The following RNF216 variants were observed in gnomAD, a reference collection of about 807,000 sequenced individuals.
RNF216 encodes ring finger protein 216.
Under a neutral mutation model 110.8 loss-of-function variants are expected in RNF216, and 72 were observed. The ratio of observed to expected loss-of-function variants is 0.65; its 90% CI spans 0.54 to 0.79. The LOEUF (loss-of-function observed/expected upper bound fraction) is 0.79, where lower values mean the gene tolerates loss of function less well. Ranked by LOEUF, RNF216 falls within the 30% of genes least tolerant of loss-of-function variation. The probability of loss-of-function intolerance (pLI) is 0.00; values close to 1 mark genes in which losing one functional copy is unlikely to be tolerated. For missense variants in RNF216, 1,342 were observed against 1,141.2 expected (o/e 1.18, Z -2.54); for synonymous variants, 495 against 407.5 (o/e 1.21, Z -2.59).
chr7:5,632,232 C>T (rs1346600708), intron 15 of RNF216, among the ~76,000 whole-genome samples: 2 of 152,222 alleles, frequency 1.3e-5, no homozygotes, highest in Non-Finnish European at 2.9e-5. Context: ...CATCTTTACT[C>T]GCTGCCACAG....
intron 2 of RNF216, among the ~76,000 whole-genome samples, chr7:5,759,976 A>G (rs367554205): frequency 9.9e-5 from 15 of 152,138 alleles, no homozygotes; most frequent in African/African-American, 3.6e-4. Context: ...ACTCTCTACT[A>G]GAAAAATCAT....
At chr7:5,634,612 G>C (rs1223709505) in intron 15 of RNF216, among the ~76,000 whole-genome samples, 3 of 152,168 alleles carry the variant, frequency 2.0e-5, no homozygotes, top group Non-Finnish European at 2.9e-5. Flanking sequence ...GCTCAGGGCT[G>C]GCCCTGGCTT....
At chr7:5,743,944 A>T (rs1182500695) in intron 3 of RNF216, among the ~76,000 whole-genome samples, 3 of 152,218 alleles carry the variant, frequency 2.0e-5, no homozygotes, top group East Asian at 3.8e-4. Flanking sequence ...TAGAGAAACA[A>T]CATCATACAG....
intron 13 of RNF216, among the ~76,000 whole-genome samples, chr7:5,656,912 G>A (rs1374016296): frequency 6.6e-6 from 1 of 152,170 alleles, no homozygotes; most frequent in Non-Finnish European, 1.5e-5. Flanking sequence ...TCCAAGCCCA[G>A]CAAGTGTGAT....
At chr7:5,709,713 G>A (rs1293805442) in intron 13 of RNF216, among the ~76,000 whole-genome samples, 1 of 151,920 alleles carries the variant, frequency 6.6e-6, no homozygotes, top group Non-Finnish European at 1.5e-5. Context: ...ATACTCACTA[G>A]ATGCTGTTCC....
chr7:5,772,360 A>C (rs969084887), intron 1 of RNF216, among the ~76,000 whole-genome samples: 10 of 152,144 alleles, frequency 6.6e-5, no homozygotes, highest in Non-Finnish European at 1.5e-4. Flanking sequence ...CATGGACAAC[A>C]GTTACAAAAA....
intron 1 of RNF216, among the ~76,000 whole-genome samples, chr7:5,765,460 T>A (rs1796154234): frequency 6.6e-6 from 1 of 151,428 alleles, no homozygotes; most frequent in Non-Finnish European, 1.5e-5. Context: ...TGAGACTCCA[T>A]CTCAAAAAAT....
At chr7:5,637,801 G>A (rs1000625182) in intron 15 of RNF216, among the ~76,000 whole-genome samples, 2 of 152,154 alleles carry the variant, frequency 1.3e-5, no homozygotes, top group African/African-American at 4.8e-5. Flanking sequence ...TTGGGCTCTC[G>A]AAGTGCTGGG....
chr7:5,651,921 ACAGGCGTGAGC>A (rs1788416275), intron 14 of RNF216, among the ~76,000 whole-genome samples: 1 of 152,242 alleles, frequency 6.6e-6, no homozygotes, highest in African/African-American at 2.4e-5. Flanking sequence ...TGCTGGGATT[ACAGGCGTGAGC>A]CACTGCGCCT....
chr7:5,686,714 C>T (rs73339951), intron 13 of RNF216, among the ~76,000 whole-genome samples: 1 of 152,340 alleles, frequency 6.6e-6, no homozygotes, highest in Middle Eastern at 3.4e-3. Context: ...ATATTACCTA[C>T]AGAAGATCTT....
intron 13 of RNF216, among the ~76,000 whole-genome samples, chr7:5,687,691 A>C (rs907847307): frequency 8.5e-5 from 13 of 152,224 alleles, no homozygotes; most frequent in African/African-American, 3.1e-4. Context: ...AATGACCAGG[A>C]AATCAAGAAT....
chr7:5,660,943 G>GTTTTGTTTTTTT (rs1554352520), intron 13 of RNF216, among the ~76,000 whole-genome samples: 16 of 90,156 alleles, frequency 1.8e-4, no homozygotes, highest in African/African-American at 8.2e-4. Context: ...GAAGCCTTAG[G>GTTTTGTTTTTTT]TTTTTTTTTT....
chr7:5,654,978 G>C (rs1479752300), intron 13 of RNF216, among the ~76,000 whole-genome samples: 1 of 152,208 alleles, frequency 6.6e-6, no homozygotes, highest in Non-Finnish European at 1.5e-5. Flanking sequence ...TAGATGAGCT[G>C]ATGTTTGGCT....
chr7:5,641,808 G>A (rs62453428), intron 14 of RNF216, among the ~76,000 whole-genome samples: 8,870 of 152,096 alleles, frequency 0.058, 337 homozygotes, highest in Non-Finnish European at 0.087. Flanking sequence ...GCCAAAGCAG[G>A]AAGATCATTT....
chr7:5,752,984 A>G lies in RNF216; in HGVS notation c.68-5T>C. The stretch of plus-strand genomic sequence containing the variant: ...CATCTCGGAGATTGATCCACTCTAC[A>G]GGAAAGCAGAGAACACTGTTACTGG... On this transcript the variant is annotated splice_region_variant and splice_polypyrimidine_tract_variant and intron_variant, in intron 2 of 16. Coordinates refer to ENST00000389902, the MANE Select transcript of RNF216 (RefSeq NM_207111.4). The G allele has an allele frequency of 2.5e-6, 4 of 1,606,408 alleles. No individual in the cohort carries two copies. Among genetic ancestry groups the G allele is most frequent in the South Asian group, 1.1e-5 (1 of 88,804 alleles).
chr7:5,666,240 G>A (rs1230730726), intron 13 of RNF216, among the ~76,000 whole-genome samples: 2 of 152,056 alleles, frequency 1.3e-5, no homozygotes, highest in Non-Finnish European at 2.9e-5. Context: ...CTCTGCAGTG[G>A]GGACACACAT....
At chr7:5,710,366 T>TAA (rs537822157) in intron 13 of RNF216, among the ~76,000 whole-genome samples, 200 of 130,150 alleles carry the variant, frequency 1.5e-3, no homozygotes, top group East Asian at 3.6e-3. Flanking sequence ...CCTCAAAACT[T>TAA]AAAAACAAAA....
In RNF216 at chr7:5,622,928, G is replaced by C. The variant is rs752238171; in HGVS notation, c.2704C>G (p.Pro902Ala). Reference sequence around the variant, plus strand: ...TTGTGCTCCAGGGGCATGTGGATGGGACCGAAGTCATAGTTGACCCGCACG... The same window carrying C: ...TTGTGCTCCAGGGGCATGTGGATGGCACCGAAGTCATAGTTGACCCGCACG... ...PNVRVNYDFG[P>A]IHMPLEHNLP... The change falls in exon 17 of 17, where the codon CCC becomes GCC. Residue 902 changes from proline (P) to alanine (A), a missense_variant. By Grantham distance (27) the Pro-to-Ala change is conservative (BLOSUM62 -1). Coordinates refer to ENST00000389902, the MANE Select transcript of RNF216 (RefSeq NM_207111.4). The C allele has an allele frequency of 1.2e-5, 20 of 1,613,736 alleles. No individual in the cohort carries two copies. The East Asian group carries it at 4.5e-4, about 36-fold the overall frequency.
intron 7 of RNF216, among the ~76,000 whole-genome samples, chr7:5,725,646 T>TC (rs1292730994): frequency 6.6e-6 from 1 of 152,060 alleles, no homozygotes; most frequent in Non-Finnish European, 1.5e-5. Context: ...GGTCAGGAGT[T>TC]CGACACCAGT....
Sources: gnomAD v4.1 joint callset for allele counts (sites outside exome capture counted in the v4.1 genomes callset) on GRCh38, gnomAD v4.1.1 for gene constraint, MANE v1.5 for transcripts, NCBI Gene and HGNC (gene_info 2026-07-23, HGNC 2026-07-21) for gene names.